SRPRB: variants seen among roughly 807,000 people sequenced by gnomAD.
SRPRB encodes SRP receptor subunit beta.
Under a neutral mutation model 31.9 loss-of-function variants are expected in SRPRB, and 20 were observed. The observed-to-expected ratio is 0.63, with a 90% confidence interval of 0.44 to 0.91. The LOEUF (loss-of-function observed/expected upper bound fraction) is 0.91, where lower values mean the gene tolerates loss of function less well. Among genes scored for constraint, SRPRB ranks in the 40% least tolerant of loss-of-function variants. The probability of loss-of-function intolerance (pLI) is 0.00; values close to 1 mark genes in which losing one functional copy is unlikely to be tolerated. For missense variants in SRPRB, 321 were observed against 324.9 expected, an observed-to-expected ratio of 0.99 and a Z score of 0.09; for synonymous variants, 146 against 132.8, an observed-to-expected ratio of 1.10 and a Z score of -0.68.
Position 133,820,208 on chromosome 3 carries a change from G to T in SRPRB, c.*442G>T. On this transcript the variant is annotated 3_prime_UTR_variant, in exon 7 of 7. Coordinates refer to ENST00000678299, the MANE Select transcript of SRPRB (RefSeq NM_001379313.1). ...TTTCCAGTTGCCTCTGAAGTTCACA[G>T]GCAATACATTGTCTAGTCCTTTGCG... 1 of 182,588 alleles carries T rather than the reference G, an allele frequency of 5.5e-6. No homozygotes were observed. Among genetic ancestry groups the T allele is most frequent in the Non-Finnish European group, 1.2e-5 (1 of 84,796 alleles). The allele number at this position is 182,588 out of a possible 1,614,324, so 11.3% of individuals were successfully genotyped here.
intron 6 of SRPRB, among the ~76,000 whole-genome samples, chr3:133,818,420 A>G (rs1000175485): frequency 6.6e-6 from 1 of 152,228 alleles, no homozygotes; most frequent in African/African-American, 2.4e-5. Flanking sequence ...AAATGTTGAC[A>G]AATTGTAAAG....
chr3:133,818,549 A>G (rs551558516), intron 6 of SRPRB, among the ~76,000 whole-genome samples: 1 of 151,878 alleles, frequency 6.6e-6, no homozygotes, highest in African/African-American at 2.4e-5. Context: ...TTATATTTAC[A>G]TGGCCTTGTG....
Position 133,811,042 on chromosome 3 carries a change from A to C in SRPRB, c.328-75A>C, listed in dbSNP as rs1010102535. 5.6e-6 allele frequency: 8 copies of C among 1,434,264 alleles called. No homozygotes were observed. The African/African-American group carries it at 9.9e-5, about 18-fold the overall frequency. 88.8% of individuals were successfully genotyped at this position (1,434,264 alleles called of 1,614,324 possible). A position where few individuals can be genotyped will look rare whatever the true frequency, so the allele number is the denominator to read the frequency against. On this transcript the variant is annotated intron_variant, in intron 3 of 6. Transcript: ENST00000678299. ...TAATTAGGTACCAGTTTGGTAGCCAATATATGATACTAAAGGTTTATATTG... is the reference window on the plus strand; with the variant it reads ...TAATTAGGTACCAGTTTGGTAGCCACTATATGATACTAAAGGTTTATATTG...
intron 1 of SRPRB, chr3:133,791,359 T>C (rs1168074385): frequency 6.6e-6 from 1 of 152,188 alleles, no homozygotes; most frequent in Non-Finnish European, 1.5e-5. Context: ...CATGGCAATG[T>C]GTTTGTTTGC....
intron 1 of SRPRB, chr3:133,789,991 T>G (rs1418009891): frequency 6.6e-6 from 1 of 151,174 alleles, no homozygotes. Context: ...AGGCTCTTAC[T>G]TAGGTTTAAG....
chr3:133,797,398 T>C (rs767460740), intron 1 of SRPRB, among the ~76,000 whole-genome samples: 4 of 152,224 alleles, frequency 2.6e-5, no homozygotes, highest in Non-Finnish European at 4.4e-5. Context: ...ATCCAAATTA[T>C]AGCCTTGCTT....
At chr3:133,818,496 G>A (rs962501244) in intron 6 of SRPRB, among the ~76,000 whole-genome samples, 1 of 152,152 alleles carries the variant, frequency 6.6e-6, no homozygotes, top group Non-Finnish European at 1.5e-5. Flanking sequence ...ATTAGGCCCT[G>A]TTAGCTTAGA....
intron 1 of SRPRB, chr3:133,795,076 G>A (rs1163287189): frequency 6.6e-6 from 1 of 152,212 alleles, no homozygotes; most frequent in Non-Finnish European, 1.5e-5. Context: ...AAATAATAGA[G>A]TTGGCTAAAC....
At chr3:133,791,817 T>C (rs1158996382) in intron 1 of SRPRB, 1 of 152,154 alleles carries the variant, frequency 6.6e-6, no homozygotes, top group Non-Finnish European at 1.5e-5. Context: ...TCCTTTATCT[T>C]CTGTCTGTGT....
chr3:133,804,021 G>C (rs1453155360), upstream of SRPRB, among the ~76,000 whole-genome samples: 2 of 147,920 alleles, frequency 1.4e-5, no homozygotes, highest in Non-Finnish European at 3.0e-5. Flanking sequence ...GCGTGAACCC[G>C]GGAGGCGGAG....
At chr3:133,792,200 AAAGAAAGGAGATTTTATAT>A (rs1305613007) in intron 1 of SRPRB, 1 of 152,218 alleles carries the variant, frequency 6.6e-6, no homozygotes, top group Admixed American at 6.5e-5. Flanking sequence ...AGAAGGTTAT[AAAGAAAGGAGATTTTATAT>A]AAGAAAGGAT....
chr3:133,817,522 G>A (rs1334091221), intron 6 of SRPRB, among the ~76,000 whole-genome samples: 1 of 152,068 alleles, frequency 6.6e-6, no homozygotes, highest in Non-Finnish European at 1.5e-5. Flanking sequence ...TTCAAGGTTT[G>A]TAAATTGAGC....
At chr3:133,788,416 C>G (rs1934741361) in intron 1 of SRPRB, 2 of 152,238 alleles carry the variant, frequency 1.3e-5, no homozygotes, top group South Asian at 4.1e-4. Context: ...CCCCTAAGCA[C>G]AGGCCTTCTC....
downstream of SRPRB, among the ~76,000 whole-genome samples, chr3:133,822,931 G>A (rs983810533): frequency 5.9e-5 from 9 of 152,184 alleles, no homozygotes; most frequent in African/African-American, 1.2e-4. Flanking sequence ...AGCCTTGTAC[G>A]CATTTATCCA....
chr3:133,789,620 A>T (rs1830084), intron 1 of SRPRB: 44,058 of 152,174 alleles, frequency 0.29, 7,080 homozygotes, highest in East Asian at 0.46. Context: ...GTGTTTTGGC[A>T]TATAAGTAAA....
At chr3:133,808,325 G>GT (rs911565684) in intron 3 of SRPRB, among the ~76,000 whole-genome samples, 1 of 130,474 alleles carries the variant, frequency 7.7e-6, no homozygotes, top group Admixed American at 8.4e-5. Flanking sequence ...CTTTATTGTT[G>GT]TTTTTTTTTA....
At chr3:133,788,409 C>G (rs1039566436) in intron 1 of SRPRB, 2 of 152,240 alleles carry the variant, frequency 1.3e-5, no homozygotes. Flanking sequence ...TCTTGAGCCC[C>G]TAAGCACAGG....
At position 133,805,948 on chromosome 3, in the gene SRPRB, G is replaced by A. The variant is rs764056201; in HGVS notation, c.100G>A (p.Asp34Asn). 2.1e-5 allele frequency: 34 copies of A among 1,613,818 alleles called. No homozygotes were observed. The Middle Eastern group carries it at 4.9e-4, about 23-fold the overall frequency. ...CTTGCGGCAGGAGCTGCAGCAGACGGACCCAACGCTGTTGTCAGTAGTGGT... is the reference window on the plus strand; with the variant it reads ...CTTGCGGCAGGAGCTGCAGCAGACGAACCCAACGCTGTTGTCAGTAGTGGT... ...DTLRQELQQT[D>N]PTLLSVVVAV... The change falls in exon 1 of 7, where the codon GAC (aspartate) becomes AAC (asparagine). Residue 34 changes from aspartate to asparagine, a missense_variant. By Grantham distance (23) the Asp-to-Asn change is conservative (BLOSUM62 1). Coordinates refer to ENST00000678299, the MANE Select transcript of SRPRB (RefSeq NM_001379313.1).
At chr3:133,828,193 G>GA (rs1935602933), downstream of SRPRB, 1 of 580,182 alleles carries the variant, frequency 1.7e-6, no homozygotes, top group South Asian at 2.1e-5. Context: ...TCTGGCCATG[G>GA]AAAGACAAGA....
Sources: allele counts gnomAD v4.1 joint callset (sites outside exome capture counted in the v4.1 genomes callset), GRCh38; gene constraint gnomAD v4.1.1; transcripts MANE v1.5; gene names NCBI Gene and HGNC (gene_info 2026-07-23, HGNC 2026-07-21).